Variants in CCDC192 observed in about 807,000 individuals in gnomAD.
The protein encoded by CCDC192 is coiled-coil domain containing 192.
chr5:127,746,534 A>G (rs1580581422), intron 2 of CCDC192, among the ~76,000 whole-genome samples: 1 of 152,120 alleles, frequency 6.6e-6, no homozygotes, highest in Non-Finnish European at 1.5e-5. Flanking sequence ...CCTCATGACA[A>G]TTCCCCATTT....
chr5:127,924,295 A>G (rs571561177), intron 6 of CCDC192, among the ~76,000 whole-genome samples: 8 of 152,346 alleles, frequency 5.3e-5, no homozygotes, highest in Non-Finnish European at 1.0e-4. Flanking sequence ...CTCAGATGAA[A>G]TGGAAAGTTT....
chr5:127,931,004 C>A (rs1003409014), intron 6 of CCDC192, among the ~76,000 whole-genome samples: 1 of 152,214 alleles, frequency 6.6e-6, no homozygotes, highest in African/African-American at 2.4e-5. Flanking sequence ...TGATACTGTT[C>A]TTATCAGTCT....
intron 5 of CCDC192, among the ~76,000 whole-genome samples, chr5:127,811,049 A>G (rs114084077): frequency 1.4e-3 from 220 of 152,298 alleles, no homozygotes; most frequent in African/African-American, 5.1e-3. Context: ...TCTATATACA[A>G]CACTCAGCAT....
intron 3 of CCDC192, among the ~76,000 whole-genome samples, chr5:127,787,857 AGAT>A (rs1756637537): frequency 6.6e-6 from 1 of 152,146 alleles, no homozygotes; most frequent in African/African-American, 2.4e-5. Flanking sequence ...CAAGACAGGC[AGAT>A]CACTTGAGGT....
intron 2 of CCDC192, among the ~76,000 whole-genome samples, chr5:127,743,533 C>T (rs1471691324): frequency 6.6e-6 from 1 of 152,156 alleles, no homozygotes; most frequent in East Asian, 1.9e-4. Flanking sequence ...TAGACCATGC[C>T]TTCCAGATTA....
At chr5:127,730,537 C>T (rs892346049) in intron 2 of CCDC192, among the ~76,000 whole-genome samples, 76 of 152,112 alleles carry the variant, frequency 5.0e-4, no homozygotes, top group African/African-American at 1.7e-3. Context: ...CCAACATTAT[C>T]CTGATACCAA....
At chr5:127,763,734 C>A (rs1580617287) in intron 3 of CCDC192, among the ~76,000 whole-genome samples, 1 of 152,142 alleles carries the variant, frequency 6.6e-6, no homozygotes, top group African/African-American at 2.4e-5. Flanking sequence ...TCCTCTCTCA[C>A]CTTTCTAATC....
At chr5:127,873,020 T>C (rs1751926031) in intron 5 of CCDC192, among the ~76,000 whole-genome samples, 1 of 152,210 alleles carries the variant, frequency 6.6e-6, no homozygotes, top group South Asian at 2.1e-4. Context: ...AATTCTTAAC[T>C]GATATTGAGA....
chr5:127,908,782 T>C (rs1468752670), intron 6 of CCDC192, among the ~76,000 whole-genome samples: 1 of 152,158 alleles, frequency 6.6e-6, no homozygotes, highest in Admixed American at 6.5e-5. Context: ...AAACACTGCA[T>C]AGTACAAAGA....
At chr5:127,767,839 C>T (rs765947078) in intron 3 of CCDC192, among the ~76,000 whole-genome samples, 11 of 152,106 alleles carry the variant, frequency 7.2e-5, no homozygotes, top group East Asian at 3.9e-4. Context: ...CCCAAAATAA[C>T]GTGAGGGTGT....
intron 6 of CCDC192, among the ~76,000 whole-genome samples, chr5:127,891,839 A>G (rs1188906734): frequency 6.6e-6 from 1 of 152,182 alleles, no homozygotes; most frequent in Non-Finnish European, 1.5e-5. Flanking sequence ...AGATGATGGT[A>G]TTCAACTGAT....
chr5:127,719,097 T>A (rs1751809298), intron 2 of CCDC192, among the ~76,000 whole-genome samples: 1 of 152,120 alleles, frequency 6.6e-6, no homozygotes, highest in Admixed American at 6.5e-5. Flanking sequence ...TTTATCTCCA[T>A]GGATTCAATT....
chr5:127,866,620 G>GA (rs1348438822), intron 5 of CCDC192, among the ~76,000 whole-genome samples: 1 of 151,576 alleles, frequency 6.6e-6, no homozygotes, highest in African/African-American at 2.4e-5. Flanking sequence ...TACTTATAAA[G>GA]AATAAAGATT....
intron 6 of CCDC192, among the ~76,000 whole-genome samples, chr5:127,929,806 T>C (rs1238937748): frequency 6.6e-6 from 1 of 152,210 alleles, no homozygotes; most frequent in Non-Finnish European, 1.5e-5. Context: ...TAAGTAGGCA[T>C]TCCTTATTTC....
intron 2 of CCDC192, among the ~76,000 whole-genome samples, chr5:127,709,150 AGAGAG>A (rs1353088147): frequency 3.6e-5 from 2 of 56,316 alleles, no homozygotes; most frequent in South Asian, 6.1e-4. Context: ...GAGAGAAAGA[AGAGAG>A]AGAGAGGGGG....
intron 5 of CCDC192, chr5:127,857,724 C>A (rs1327638814): frequency 6.6e-6 from 1 of 152,152 alleles, no homozygotes; most frequent in African/African-American, 2.4e-5. Flanking sequence ...GATGGGCCAG[C>A]AGGCTGGAAA....
chr5:127,768,079 C>T (rs1201693611), intron 3 of CCDC192, among the ~76,000 whole-genome samples: 2 of 151,990 alleles, frequency 1.3e-5, no homozygotes, highest in African/African-American at 4.8e-5. Context: ...TGGTGAAACC[C>T]TGTCTCTACT....
chr5:127,784,084 T>A (rs1329809439), intron 3 of CCDC192, among the ~76,000 whole-genome samples: 1 of 152,264 alleles, frequency 6.6e-6, no homozygotes, highest in Non-Finnish European at 1.5e-5. Flanking sequence ...TTATCCATTC[T>A]GTTGTTCTGT....
chr5:127,921,092 G>A (rs1580828795), intron 6 of CCDC192, among the ~76,000 whole-genome samples: 1 of 95,412 alleles, frequency 1.0e-5, no homozygotes, highest in Admixed American at 1.0e-4. Flanking sequence ...GGAAAAGAAA[G>A]GAAAGGAAAG....
Sources: allele counts gnomAD v4.1 joint callset (sites outside exome capture counted in the v4.1 genomes callset), GRCh38; gene constraint gnomAD v4.1.1; transcripts MANE v1.5; gene names NCBI Gene and HGNC (gene_info 2026-07-23, HGNC 2026-07-21).